Variants in TICRR observed in about 807,000 individuals in gnomAD.
TICRR encodes TOPBP1 interacting checkpoint and replication regulator, also known as treslin.
Under a neutral mutation model 178.1 loss-of-function variants are expected in TICRR, and 132 were observed. The observed-to-expected ratio is 0.74, with a 90% CI of 0.64 to 0.86. TICRR has a LOEUF of 0.86. TICRR is among the 40% of genes least tolerant of loss of function. The pLI, the probability that TICRR is intolerant of heterozygous loss-of-function variation, is 0.00. For missense variants in TICRR, 2,587 were observed against 2,334.3 expected (o/e 1.11, Z -2.23); for synonymous variants, 991 against 900.7 (o/e 1.10, Z -1.79).
chr15:89,577,396 A>G (rs537931790), intron 1 of TICRR, among the ~76,000 whole-genome samples: 1 of 152,288 alleles, frequency 6.6e-6, no homozygotes, highest in East Asian at 1.9e-4. Flanking sequence ...TCATTTAGTC[A>G]ACAAATGTTC....
At chr15:89,620,465 C>A (rs951286233) in intron 18 of TICRR, among the ~76,000 whole-genome samples, 1 of 152,128 alleles carries the variant, frequency 6.6e-6, no homozygotes, top group African/African-American at 2.4e-5. Flanking sequence ...GCCTCGGCCT[C>A]CCAAAGTGCT....
chr15:89,618,220 A>C lies in TICRR; in HGVS notation c.3019+10A>C. The C allele has an allele frequency of 6.2e-7, 1 of 1,613,560 alleles. No homozygotes were observed. Among genetic ancestry groups the C allele is most frequent in the Non-Finnish European group, 8.5e-7 (1 of 1,179,512 alleles). ...CCTGAAAAAGGAGATGGTGAGTGTT[A>C]TCTCTTTTTGTTTTTAATGCAATCT... On this transcript the variant is annotated intron_variant, in intron 17 of 21. Coordinates refer to ENST00000268138, the MANE Select transcript of TICRR (RefSeq NM_152259.4).
Position 89,624,316 on chromosome 15 carries a change from G to C in TICRR, c.4006G>C (p.Gly1336Arg), listed in dbSNP as rs1405411371. 8 of 1,614,162 alleles carry C rather than the reference G, an allele frequency of 5.0e-6. No homozygotes were observed. The highest frequency in any genetic ancestry group is 6.8e-6 in the Non-Finnish European group (8 of 1,180,028). ...RKSKIECPSP[G>R]ELDQKEPQMS... ...ATCTAAAATAGAGTGTCCTTCCCCA[G>C]GAGAACTGGATCAGAAAGAGCCCCA... The change falls in exon 20 of 22, where the codon GGA becomes CGA. Residue 1336 changes from glycine (G) to arginine (R), a missense_variant. Physicochemically the swap from Gly to Arg is moderately radical, Grantham distance 125. Coordinates refer to ENST00000268138, the MANE Select transcript of TICRR (RefSeq NM_152259.4).
At chr15:89,626,432 G>T (rs1435789484) in intron 21 of TICRR, among the ~76,000 whole-genome samples, 1 of 152,202 alleles carries the variant, frequency 6.6e-6, no homozygotes, top group Non-Finnish European at 1.5e-5. Flanking sequence ...CGCATGTTCT[G>T]TATATTCGGT....
In TICRR at chr15:89,624,761, C is replaced by T; in HGVS notation, c.4451C>T (p.Ser1484Leu). 1.9e-6 allele frequency: 3 copies of T among 1,614,206 alleles called. No individual in the cohort carries two copies. The highest frequency in any genetic ancestry group is 3.3e-4 in the Middle Eastern group (2 of 6,062). ...GIGDLKSNVL[S>L]VEEGEGLRTA... ...GGTGACTTGAAAAGTAACGTCTTAT[C>T]AGTGGAAGAGGGTGAGGGGCTAAGG... The change falls in exon 20 of 22, where the codon TCA becomes TTA. Residue 1484 changes from serine (S) to leucine (L), a missense_variant. Coordinates refer to ENST00000268138, the MANE Select transcript of TICRR (RefSeq NM_152259.4).
At chr15:89,609,043 A>C in intron 15 of TICRR, 94 bp downstream of exon 15, 1 of 1,041,618 alleles carries the variant, frequency 9.6e-7, no homozygotes, top group Admixed American at 4.5e-5. Context: ...TAGTAATTTG[A>C]GTCTTCTTCC....
chr15:89,600,140 A>C (rs866384168), intron 8 of TICRR, among the ~76,000 whole-genome samples: 3 of 152,176 alleles, frequency 2.0e-5, no homozygotes, highest in African/African-American at 4.8e-5. Context: ...CTCTCTCCAG[A>C]TGAACTGAAA....
intron 4 of TICRR, among the ~76,000 whole-genome samples, chr15:89,588,804 C>G (rs1453956585): frequency 6.6e-6 from 1 of 152,024 alleles, no homozygotes; most frequent in Admixed American, 6.5e-5. Flanking sequence ...GAGTCGGGAG[C>G]TAACAGTCTT....
At chr15:89,584,252 T>A in intron 2 of TICRR, 34 bp from the exon 3 acceptor site, 1 of 1,537,386 alleles carries the variant, frequency 6.5e-7, no homozygotes, top group Non-Finnish European at 8.7e-7. Context: ...AAATTTTAAT[T>A]TGGCATCCTG....
At chr15:89,618,851 C>T (rs751035222) in intron 17 of TICRR, among the ~76,000 whole-genome samples, 9 of 152,152 alleles carry the variant, frequency 5.9e-5, no homozygotes, top group Non-Finnish European at 1.0e-4. Context: ...CCCAGCTACT[C>T]GGGAGGCTGA....
At chr15:89,618,316 G>A (rs773483581) in intron 17 of TICRR, 106 bp downstream of exon 17, 1 of 1,038,878 alleles carries the variant, frequency 9.6e-7, no homozygotes, top group Non-Finnish European at 1.5e-6. Flanking sequence ...TACAGAAATT[G>A]TGATGGCTCT....
At position 89,576,123 on chromosome 15, in the gene TICRR, G is replaced by T; in HGVS notation, c.537G>T (p.Gln179His). The T allele has an allele frequency of 6.2e-7, 1 of 1,610,342 alleles. No individual in the cohort carries two copies. The highest frequency in any genetic ancestry group is 1.3e-5 in the African/African-American group (1 of 75,058). ...QFVSGCEAQA[Q>H]RLPPTPKQVM... The stretch of plus-strand genomic sequence containing the variant: ...TGTCTGGGTGCGAGGCCCAGGCCCA[G>T]CGCCTGCCGCCCACCCCTAAGCAGG... Residue 179 changes from glutamine to histidine, a missense_variant, in exon 1 of 22, where the codon CAG (glutamine) becomes CAT (histidine). Coordinates refer to ENST00000268138, the MANE Select transcript of TICRR (RefSeq NM_152259.4).
chr15:89,607,689 G>C (rs1305461317), intron 14 of TICRR, among the ~76,000 whole-genome samples: 1 of 152,034 alleles, frequency 6.6e-6, no homozygotes, highest in East Asian at 1.9e-4. Flanking sequence ...TTATGTCATT[G>C]ATGGGTAAAC....
At chr15:89,594,581 A>G (rs1962965834) in intron 6 of TICRR, 27 bp downstream of exon 6, 1 of 1,497,630 alleles carries the variant, frequency 6.7e-7, no homozygotes, top group Non-Finnish European at 9.0e-7. Context: ...GCTGTTTCTT[A>G]AGGCATTCTT....
chr15:89,598,389 T>C (rs932715392), intron 7 of TICRR, among the ~76,000 whole-genome samples: 5 of 152,016 alleles, frequency 3.3e-5, no homozygotes, highest in Non-Finnish European at 7.4e-5. Context: ...TGAGACGGAG[T>C]TTCACTCTTA....
At position 89,624,077 on chromosome 15, in the gene TICRR, C is replaced by T. The variant is rs951839305; in HGVS notation, c.3767C>T (p.Ala1256Val). The T allele has an allele frequency of 5.6e-6, 9 of 1,613,900 alleles. No individual in the cohort carries two copies. Among genetic ancestry groups the T allele is most frequent in the African/African-American group, 1.3e-5 (1 of 74,874 alleles). The change falls in exon 20 of 22, where the codon GCC (alanine) becomes GTC (valine). Residue 1256 changes from alanine to valine, a missense_variant. By Grantham distance (64) the Ala-to-Val change is moderately conservative (BLOSUM62 0). Transcript: ENST00000268138. ...DPLRTPPRAA[A>V]FMGTPQNQTH... ...CTCAGAACACCTCCGAGAGCAGCAG[C>T]CTTCATGGGCACGCCTCAGAATCAA...
chr15:89,594,477 A>T lies in TICRR; in HGVS notation c.1604A>T (p.His535Leu). 1.2e-6 allele frequency: 2 copies of T among 1,612,952 alleles called. No homozygotes were observed. The highest frequency in any genetic ancestry group is 1.1e-5 in the South Asian group (1 of 90,984). Residue 535 changes from histidine to leucine, a missense_variant, in exon 6 of 22, where the codon CAT (histidine) becomes CTT (leucine). Physicochemically the swap from His to Leu is moderately conservative, Grantham distance 99 (BLOSUM62 -3). Coordinates refer to ENST00000268138, the MANE Select transcript of TICRR (RefSeq NM_152259.4). ...TCCAAAACTGAAGGCGAATTAATAC[A>T]TTGCCTTGCCGAGCTCTACCAGAGA... is the stretch of plus-strand genomic sequence containing the variant. ...ESSKTEGELIHCLAELYQRKS... is the reference protein window; with the variant it reads ...ESSKTEGELILCLAELYQRKS...
At chr15:89,578,169 G>T (rs1205085928) in intron 1 of TICRR, among the ~76,000 whole-genome samples, 2 of 152,112 alleles carry the variant, frequency 1.3e-5, no homozygotes, top group East Asian at 3.8e-4. Context: ...ATTAATTAAT[G>T]GGAAGGCTTT....
intron 4 of TICRR, among the ~76,000 whole-genome samples, chr15:89,590,423 G>A (rs561768095): frequency 6.7e-4 from 102 of 152,306 alleles, no homozygotes; most frequent in African/African-American, 2.4e-3. Context: ...AGAACAGACT[G>A]TATCTTGACT....
Sources: gnomAD v4.1 joint callset for allele counts (sites outside exome capture counted in the v4.1 genomes callset) on GRCh38, gnomAD v4.1.1 for gene constraint, MANE v1.5 for transcripts, NCBI Gene and HGNC (gene_info 2026-07-23, HGNC 2026-07-21) for gene names.